PCDHA5: variants seen among roughly 807,000 people sequenced by gnomAD.
The protein encoded by PCDHA5 is protocadherin alpha 5.
In PCDHA5, 43 loss-of-function variants were observed where a neutral mutation model predicts 61.6. The ratio of observed to expected loss-of-function variants is 0.70; its 90% CI spans 0.55 to 0.90. The LOEUF (loss-of-function observed/expected upper bound fraction) is 0.90. Among genes scored for constraint, PCDHA5 ranks in the 40% least tolerant of loss-of-function variants. PCDHA5 has a pLI of 0.00. For synonymous variants in PCDHA5, 627 were observed against 543.9 expected (o/e 1.15, Z -2.13); for missense variants, 1,298 against 1,222.7 (o/e 1.06, Z -0.92).
chr5:140,849,589 T>G, intron 1 of PCDHA5: 1 of 1,598,710 alleles, frequency 6.3e-7, no homozygotes, highest in Non-Finnish European at 8.6e-7. Context: ...GACGCACAAC[T>G]GGGGACAGTT....
rs782411315 is a variant in PCDHA5, at chr5:140,883,596, T to G, written c.2352+59469T>G. ...CTGTGGGCCACGGCCAGCGTGTCGG[T>G]GGGGGTGGCCGACGTGAACGACAAC... On this transcript the variant is annotated intron_variant, in intron 1 of 3. Coordinates refer to ENST00000529859, the MANE Select transcript of PCDHA5 (RefSeq NM_018908.3). 1.0e-4 allele frequency: 167 copies of G among 1,613,676 alleles called. No homozygotes were observed. The highest frequency in any genetic ancestry group is 1.6e-4 in the Middle Eastern group (1 of 6,072).
At chr5:140,865,006 T>C (rs1171249709) in intron 1 of PCDHA5, 2 of 152,174 alleles carry the variant, frequency 1.3e-5, no homozygotes, top group Non-Finnish European at 2.9e-5. Context: ...GAGACCAGCC[T>C]CGGCAACATA....
At chr5:140,966,950 G>A (rs782713044) in intron 1 of PCDHA5, 3 of 1,603,480 alleles carry the variant, frequency 1.9e-6, no homozygotes, top group Non-Finnish European at 2.5e-6. Flanking sequence ...GGGCAACGTG[G>A]CTCGCGCGCT....
Position 140,858,037 on chromosome 5 carries a change from T to G in PCDHA5, c.2352+33910T>G, listed in dbSNP as rs782428899. On this transcript the variant is annotated intron_variant, in intron 1 of 3. Coordinates refer to ENST00000529859, the MANE Select transcript of PCDHA5 (RefSeq NM_018908.3). The stretch of plus-strand genomic sequence containing the variant: ...AGCCGTCGCTGACGGCCACGGCCAC[T>G]GTGCTTGTGTCGCTTGTGGAGGGCA... 6 of 1,596,390 alleles carry G rather than the reference T, an allele frequency of 3.8e-6. 1 individual carries two copies. The highest frequency in any genetic ancestry group is 5.1e-6 in the Non-Finnish European group (6 of 1,167,344).
intron 1 of PCDHA5, among the ~76,000 whole-genome samples, chr5:140,953,120 C>T (rs2094851215): frequency 6.6e-6 from 1 of 152,154 alleles, no homozygotes; most frequent in South Asian, 2.1e-4. Context: ...GGACACAGAT[C>T]TAAACCGTAT....
intron 1 of PCDHA5, chr5:140,835,740 C>T (rs1554135229): frequency 2.5e-6 from 4 of 1,613,594 alleles, no homozygotes; most frequent in Non-Finnish European, 3.4e-6. Flanking sequence ...CGACAACGCC[C>T]CGGCGTTCGC....
rs782673373 is a variant in PCDHA5 at position 140,858,110 on chromosome 5, G to A, written c.2352+33983G>A. On this transcript the variant is annotated intron_variant, in intron 1 of 3. Transcript: ENST00000529859. ...GCGGGCTTCAGTGGGCGTGGCGCCC[G>A]AGGTGGCCCTGGTGGATGTCAACGT... 5.6e-6 allele frequency: 9 copies of A among 1,597,760 alleles called. 1 individual carries two copies. The highest frequency in any genetic ancestry group is 3.4e-5 in the Admixed American group (2 of 59,350).
At position 140,842,145 on chromosome 5, in the gene PCDHA5, G is replaced by A. The variant is rs2150330392; in HGVS notation, c.2352+18018G>A. On this transcript the variant is annotated intron_variant, in intron 1 of 3. Coordinates refer to ENST00000529859, the MANE Select transcript of PCDHA5 (RefSeq NM_018908.3). ...TCTGATCCGGATGAAGGAGCCAATGGGGCAATTTCATATTCTTTTAATAGC... is the reference window on the plus strand; with the variant it reads ...TCTGATCCGGATGAAGGAGCCAATGAGGCAATTTCATATTCTTTTAATAGC... The A allele has an allele frequency of 3.8e-5, 62 of 1,613,828 alleles. 1 individual carries two copies. The East Asian group carries it at 1.3e-3, about 35-fold the overall frequency.
intron 1 of PCDHA5, among the ~76,000 whole-genome samples, chr5:140,953,593 G>T (rs1392522676): frequency 6.6e-6 from 1 of 152,026 alleles, no homozygotes; most frequent in African/African-American, 2.4e-5. Context: ...GCCTCCTTTT[G>T]TTTATTCCCC....
At chr5:140,962,667 C>T (rs576054969) in intron 1 of PCDHA5, among the ~76,000 whole-genome samples, 1 of 152,272 alleles carries the variant, frequency 6.6e-6, no homozygotes, top group East Asian at 1.9e-4. Flanking sequence ...TTCATCTTCC[C>T]ATCCACTGGA....
rs145919251 is a variant in PCDHA5, at chr5:140,979,502, C to T, written c.2411+495C>T. On this transcript the variant is annotated intron_variant, in intron 2 of 3. Coordinates refer to ENST00000529859, the MANE Select transcript of PCDHA5 (RefSeq NM_018908.3). Reference sequence around the variant, plus strand: ...GTGTTCACACCTATTAGAGCCTCCTCATCTTTCCCATCTGTTGCTATCTTA... The same window carrying T: ...GTGTTCACACCTATTAGAGCCTCCTTATCTTTCCCATCTGTTGCTATCTTA... 1.1e-3 allele frequency among the ~76,000 whole-genome samples: 170 copies of T among 152,258 alleles called. 4 individuals are homozygous for T. In the East Asian group the frequency reaches 0.028, roughly 25 times the overall value.
At chr5:141,003,081 T>C (rs2098110268) in intron 3 of PCDHA5, among the ~76,000 whole-genome samples, 1 of 152,238 alleles carries the variant, frequency 6.6e-6, no homozygotes, top group Admixed American at 6.5e-5. Context: ...AGGGTGAGTT[T>C]AACAGGCCTG....
intron 2 of PCDHA5, among the ~76,000 whole-genome samples, chr5:140,980,278 GAAAAGT>G (rs1267614144): frequency 6.6e-6 from 1 of 152,166 alleles, no homozygotes; most frequent in Non-Finnish European, 1.5e-5. Context: ...ACCAACTCTT[GAAAAGT>G]ACCAAAGCTA....
intron 1 of PCDHA5, chr5:140,841,278 T>G: frequency 1.3e-6 from 2 of 1,521,566 alleles, no homozygotes; most frequent in South Asian, 1.3e-5. Flanking sequence ...GTCGTTCATC[T>G]TTATATTAAG....
chr5:140,942,669 A>G (rs2093352340), intron 1 of PCDHA5, among the ~76,000 whole-genome samples: 1 of 152,212 alleles, frequency 6.6e-6, no homozygotes, highest in South Asian at 2.1e-4. Flanking sequence ...AATAAGCACA[A>G]AAGTTTTAGG....
At chr5:140,966,253 G>A in intron 1 of PCDHA5, 1 of 328,324 alleles carries the variant, frequency 3.0e-6, no homozygotes, top group South Asian at 1.5e-4. Context: ...GGGGAGAGAC[G>A]GTGGAGACTG....
chr5:140,909,072 C>A (rs2074300655), intron 1 of PCDHA5, among the ~76,000 whole-genome samples: 1 of 152,162 alleles, frequency 6.6e-6, no homozygotes, highest in African/African-American at 2.4e-5. Flanking sequence ...CCAATAAGCC[C>A]AGTGTGTTTG....
intron 1 of PCDHA5, chr5:140,883,940 G>T: frequency 6.2e-7 from 1 of 1,613,412 alleles, no homozygotes; most frequent in Non-Finnish European, 8.5e-7. Flanking sequence ...CGTGCTGGAC[G>T]AGAACGACAA....
At chr5:140,901,922 G>A (rs2068984254) in intron 1 of PCDHA5, among the ~76,000 whole-genome samples, 2 of 151,732 alleles carry the variant, frequency 1.3e-5, no homozygotes. Flanking sequence ...TCACTTCTTT[G>A]GTTAATTCCT....
Sources: gnomAD v4.1 joint callset for allele counts (sites outside exome capture counted in the v4.1 genomes callset) on GRCh38, gnomAD v4.1.1 for gene constraint, MANE v1.5 for transcripts, NCBI Gene and HGNC (gene_info 2026-07-23, HGNC 2026-07-21) for gene names.